Variants in CTNNA2 observed in about 807,000 individuals in gnomAD.
The protein encoded by CTNNA2 is catenin alpha-2.
CTNNA2 carries 42 observed loss-of-function variants against 101.0 expected under a neutral mutation model. The observed-to-expected ratio is 0.42, with a 90% CI of 0.32 to 0.54. The LOEUF (loss-of-function observed/expected upper bound fraction) is 0.54, where lower values mean the gene tolerates loss of function less well. Among genes scored for constraint, CTNNA2 ranks in the 20% least tolerant of loss-of-function variants. CTNNA2 has a pLI of 0.14. For missense variants in CTNNA2, 871 were observed against 1,223.1 expected (o/e 0.71, Z 4.29); for synonymous variants, 450 against 456.4 (o/e 0.99, Z 0.18).
At chr2:79,572,634 C>G (rs1194386018) in intron 1 of CTNNA2, among the ~76,000 whole-genome samples, 1 of 152,158 alleles carries the variant, frequency 6.6e-6, no homozygotes, top group Non-Finnish European at 1.5e-5. Context: ...CGCCTGTAGT[C>G]CCAGCTATTC....
At chr2:80,559,873 C>CTATATCTATATCT (rs1558586877) in intron 12 of CTNNA2, among the ~76,000 whole-genome samples, 1 of 110,504 alleles carries the variant, frequency 9.0e-6, no homozygotes, top group African/African-American at 3.6e-5. Flanking sequence ...TCAGCGATAT[C>CTATATCTATATCT]ATATTTATAT....
At chr2:79,300,204 C>A (rs1293881707) in intron 2 of CTNNA2, among the ~76,000 whole-genome samples, 1 of 152,174 alleles carries the variant, frequency 6.6e-6, no homozygotes, top group African/African-American at 2.4e-5. Flanking sequence ...CTGCCACAAA[C>A]CCCGGCAACC....
At chr2:79,746,326 T>C (rs908683302) in intron 3 of CTNNA2, among the ~76,000 whole-genome samples, 1 of 152,204 alleles carries the variant, frequency 6.6e-6, no homozygotes. Context: ...CAGACAGTGA[T>C]TGGCAAATAT....
At chr2:79,793,989 G>C (rs925771282) in intron 3 of CTNNA2, among the ~76,000 whole-genome samples, 4 of 151,878 alleles carry the variant, frequency 2.6e-5, no homozygotes, top group African/African-American at 4.8e-5. Context: ...GGAGGAAAGG[G>C]TGGGAAGGGG....
intron 9 of CTNNA2, among the ~76,000 whole-genome samples, chr2:80,425,728 G>T (rs1178796938): frequency 6.6e-6 from 1 of 151,524 alleles, no homozygotes; most frequent in Non-Finnish European, 1.5e-5. Context: ...CCTTGTATTT[G>T]TGTGCCATTT....
At chr2:79,747,980 T>C (rs895505083) in intron 3 of CTNNA2, among the ~76,000 whole-genome samples, 7 of 152,342 alleles carry the variant, frequency 4.6e-5, no homozygotes, top group African/African-American at 1.7e-4. Context: ...ATTTGCTTTG[T>C]TATTTTTCAT....
Position 80,372,406 on chromosome 2 carries a change from T to C in CTNNA2, c.1057-20805T>C, listed in dbSNP as rs1447653816. On this transcript the variant is annotated intron_variant, in intron 7 of 18. Transcript: ENST00000402739. ...TTTAAGCTGTTGGCTACTTTAGCCC[T>C]CATGTAGCAAAGGTTGCTCTTTCTT... 2.0e-5 allele frequency among the ~76,000 whole-genome samples: 3 copies of C among 147,174 alleles called. No individual in the cohort carries two copies. The East Asian group carries it at 6.6e-4, about 32-fold the overall frequency.
intron 2 of CTNNA2, among the ~76,000 whole-genome samples, chr2:79,297,069 C>T (rs1675996156): frequency 6.6e-6 from 1 of 152,064 alleles, no homozygotes; most frequent in Non-Finnish European, 1.5e-5. Flanking sequence ...GATCTCTGCC[C>T]CTCCTCCACC....
chr2:79,514,454 C>T (rs1004234368), intron 1 of CTNNA2, among the ~76,000 whole-genome samples: 3 of 152,212 alleles, frequency 2.0e-5, no homozygotes, highest in South Asian at 2.1e-4. Context: ...GAATTAGCTT[C>T]GGAACCATTG....
At position 79,412,436 on chromosome 2, in the gene CTNNA2, G is replaced by A. The variant is rs1474437626; in HGVS notation, c.-135+38423G>A. Among the ~76,000 whole-genome samples the A allele has an allele frequency of 4.5e-4, 68 of 151,904 alleles. 2 individuals carry two copies. Among genetic ancestry groups the A allele is most frequent in the East Asian group, 3.5e-3 (18 of 5,144 alleles). ...GAACTCTCCACCCCAAATCAACAGA[G>A]TATACATTTTTTTCAGCACCACACC... On this transcript the variant is annotated intron_variant, in intron 4 of 21. Coordinates refer to the CTNNA2 transcript ENST00000466387.
intron 3 of CTNNA2, among the ~76,000 whole-genome samples, chr2:79,787,941 A>G (rs1449429579): frequency 6.6e-6 from 1 of 152,068 alleles, no homozygotes; most frequent in Non-Finnish European, 1.5e-5. Context: ...GGATGAGGAC[A>G]TGGACATTTG....
intron 7 of CTNNA2, among the ~76,000 whole-genome samples, chr2:80,128,344 G>T (rs1432887379): frequency 6.6e-6 from 1 of 152,066 alleles, no homozygotes; most frequent in African/African-American, 2.4e-5. Context: ...ACTATGAGAG[G>T]CACTTAACCT....
At chr2:79,396,581 C>G (rs913906836) in intron 4 of CTNNA2, among the ~76,000 whole-genome samples, 6 of 152,122 alleles carry the variant, frequency 3.9e-5, no homozygotes, top group African/African-American at 1.4e-4. Flanking sequence ...CAATCCATAA[C>G]TATAAAATTT....
intron 7 of CTNNA2, among the ~76,000 whole-genome samples, chr2:80,026,646 A>T (rs575829877): frequency 2.6e-5 from 4 of 152,008 alleles, no homozygotes; most frequent in South Asian, 2.1e-4. Flanking sequence ...ATTAGCTTTA[A>T]TTTTTTTTAT....
chr2:80,366,883 A>T (rs1216798309), intron 7 of CTNNA2, among the ~76,000 whole-genome samples: 2 of 152,160 alleles, frequency 1.3e-5, no homozygotes, highest in Admixed American at 6.5e-5. Context: ...TTAGGGAGAC[A>T]TGAGACATCA....
intron 9 of CTNNA2, among the ~76,000 whole-genome samples, chr2:80,532,081 A>G (rs1179635334): frequency 6.6e-6 from 1 of 152,188 alleles, no homozygotes; most frequent in Non-Finnish European, 1.5e-5. Flanking sequence ...TGGTCAGAGG[A>G]AGAAAAGACC....
intron 9 of CTNNA2, among the ~76,000 whole-genome samples, chr2:80,505,483 C>T (rs775964976): frequency 1.3e-4 from 20 of 152,164 alleles, no homozygotes; most frequent in Non-Finnish European, 2.4e-4. Context: ...GTGCCATTAG[C>T]GTAAATTGAG....
chr2:80,175,415 G>A (rs1207837771), intron 7 of CTNNA2, among the ~76,000 whole-genome samples: 2 of 152,140 alleles, frequency 1.3e-5, no homozygotes, highest in Admixed American at 6.5e-5. Flanking sequence ...TGTATTCTCA[G>A]TGTCTAGCCC....
chr2:80,088,202 A>T (rs527391126), intron 7 of CTNNA2, among the ~76,000 whole-genome samples: 1 of 152,020 alleles, frequency 6.6e-6, no homozygotes, highest in South Asian at 2.1e-4. Flanking sequence ...GCTAGAGTTG[A>T]TAAGTATAAC....
Sources: allele counts gnomAD v4.1 joint callset (sites outside exome capture counted in the v4.1 genomes callset), GRCh38; gene constraint gnomAD v4.1.1; transcripts MANE v1.5; gene names NCBI Gene and HGNC (gene_info 2026-07-23, HGNC 2026-07-21).